The following DRC7 variants were observed in gnomAD, a reference collection of about 807,000 sequenced individuals.
DRC7 encodes the protein dynein regulatory complex subunit 7, also known as coiled-coil domain containing 135.
A neutral mutation model predicts 104.4 loss-of-function variants in DRC7; 80 were observed. The ratio of observed to expected loss-of-function variants is 0.77; its 90% CI spans 0.64 to 0.92. The LOEUF (loss-of-function observed/expected upper bound fraction) is 0.92. Among genes scored for constraint, DRC7 ranks in the 40% least tolerant of loss-of-function variants. DRC7 has a pLI of 0.00. For synonymous variants in DRC7, 405 were observed against 447.3 expected, an observed-to-expected ratio of 0.91 and a Z score of 1.19; for missense variants, 1,034 against 1,141.1, an observed-to-expected ratio of 0.91 and a Z score of 1.35.
intron 8 of DRC7, among the ~76,000 whole-genome samples, chr16:57,711,880 G>A (rs1314801264): frequency 6.6e-6 from 1 of 152,178 alleles, no homozygotes; most frequent in African/African-American, 2.4e-5. Context: ...GATCAGATGA[G>A]CCAGTTTATC....
chr16:57,700,260 C>G lies in DRC7; in HGVS notation c.494C>G (p.Pro165Arg), dbSNP rs750668059. 1 of 1,613,316 alleles carries G rather than the reference C, an allele frequency of 6.2e-7. No individual in the cohort carries two copies. The highest frequency in any genetic ancestry group is 1.7e-5 in the Admixed American group (1 of 59,990). ...CTCACCATGGTGCCCCTGCCTGACC[C>G]TCTCAAGCCGGTAAGCACCACTCAC... Reference protein sequence around the residue: ...DFLTMVPLPDPLKPPSHLYSS... With the variant: ...DFLTMVPLPDRLKPPSHLYSS... The change falls in exon 5 of 19, where the codon CCT becomes CGT. Residue 165 changes from proline (P) to arginine (R), a missense_variant. Physicochemically the swap from Pro to Arg is moderately radical, Grantham distance 103 (BLOSUM62 -2). Transcript: ENST00000360716.
chr16:57,700,103 C>A (rs749741400), intron 4 of DRC7, 42 bp from the exon 5 acceptor site: 1 of 1,599,798 alleles, frequency 6.3e-7, no homozygotes, highest in Non-Finnish European at 8.5e-7. Context: ...CTCACAAGTT[C>A]TTATTGCCTT....
chr16:57,723,395 C>G (rs1369845418), intron 12 of DRC7, among the ~76,000 whole-genome samples: 1 of 152,188 alleles, frequency 6.6e-6, no homozygotes, highest in Non-Finnish European at 1.5e-5. Context: ...TGGTTGGAAT[C>G]AGGCCGGAAC....
In DRC7 at chr16:57,699,152, C is replaced by T. The variant is rs987820270; in HGVS notation, c.378+128C>T. 7.1e-6 allele frequency: 8 copies of T among 1,130,824 alleles called. No homozygotes were observed. The Admixed American group carries it at 1.9e-4, about 26-fold the overall frequency. The allele number at this position is 1,130,824 out of a possible 1,614,324, so 70.0% of individuals were successfully genotyped here. On this transcript the variant is annotated intron_variant, in intron 4 of 18. Coordinates refer to ENST00000360716, the MANE Select transcript of DRC7 (RefSeq NM_001289162.2). Reference sequence around the variant, plus strand: ...GGACCTCCTGTGGGCCAGAGCGCTTCTAGTCTGGGGGCAACATAAAGTCGA... The same window carrying T: ...GGACCTCCTGTGGGCCAGAGCGCTTTTAGTCTGGGGGCAACATAAAGTCGA...
Position 57,731,159 on chromosome 16 carries a change from C to T in DRC7, c.2532-6C>T. ...TCACCCTCTTTCCTTGCCTCTCTGACTTCAGACACAAGGAACTGGCCCCAC... is the reference window on the plus strand; with the variant it reads ...TCACCCTCTTTCCTTGCCTCTCTGATTTCAGACACAAGGAACTGGCCCCAC... On this transcript the variant is annotated splice_polypyrimidine_tract_variant and splice_region_variant and intron_variant, in intron 18 of 18. Coordinates refer to ENST00000360716, the MANE Select transcript of DRC7 (RefSeq NM_001289162.2). 6.2e-7 allele frequency: 1 copy of T among 1,613,862 alleles called. No homozygotes were observed. Among genetic ancestry groups the T allele is most frequent in the Non-Finnish European group, 8.5e-7 (1 of 1,179,946 alleles).
At chr16:57,724,122 C>T (rs943349873) in intron 12 of DRC7, among the ~76,000 whole-genome samples, 1 of 151,982 alleles carries the variant, frequency 6.6e-6, no homozygotes, top group African/African-American at 2.4e-5. Context: ...CCAGCCTGGC[C>T]AACATGGTGA....
At chr16:57,710,722 A>G (rs1269933001) in intron 8 of DRC7, among the ~76,000 whole-genome samples, 8 of 152,168 alleles carry the variant, frequency 5.3e-5, no homozygotes, top group African/African-American at 1.9e-4. Flanking sequence ...TTTGTCAAAT[A>G]CTTTTTCTGA....
chr16:57,716,168 C>T (rs1451253640), intron 8 of DRC7, among the ~76,000 whole-genome samples: 5 of 152,154 alleles, frequency 3.3e-5, no homozygotes, highest in Admixed American at 3.3e-4. Context: ...CTAACTACTG[C>T]TTACACTGGT....
intron 6 of DRC7, among the ~76,000 whole-genome samples, chr16:57,703,120 C>A (rs1448944056): frequency 6.6e-6 from 1 of 151,468 alleles, no homozygotes; most frequent in African/African-American, 2.4e-5. Context: ...CTCAAGCAAT[C>A]CTCCCGCCTC....
In DRC7 at chr16:57,707,687, G is replaced by C. The variant is rs750669256; in HGVS notation, c.1077+9G>C. The C allele has an allele frequency of 1.9e-6, 3 of 1,612,204 alleles. No homozygotes were observed. Among genetic ancestry groups the C allele is most frequent in the African/African-American group, 2.7e-5 (2 of 75,032 alleles). On this transcript the variant is annotated intron_variant, in intron 8 of 18. Transcript: ENST00000360716. ...GCTGGAACTGCTGCAAGGTGCCTAG[G>C]GAGGGGGAGCTGGGTGGGTGTGGCA...
chr16:57,697,901 C>A lies in DRC7; in HGVS notation c.-37-12C>A. 4.4e-6 allele frequency: 7 copies of A among 1,589,402 alleles called. No individual in the cohort carries two copies. The highest frequency in any genetic ancestry group is 1.1e-5 in the South Asian group (1 of 87,416). On this transcript the variant is annotated splice_polypyrimidine_tract_variant and intron_variant, in intron 2 of 18. Coordinates refer to ENST00000360716, the MANE Select transcript of DRC7 (RefSeq NM_001289162.2). ...ACAGTCGGCCATGGAGTATACTTAC[C>A]CTTCCCCACAGAGACATTCCATCTC...
At position 57,731,018 on chromosome 16, in the gene DRC7, T is replaced by TA. The variant is rs781758875; in HGVS notation, c.2480dup (p.Tyr827Ter). 6.2e-6 allele frequency: 10 copies of TA among 1,613,686 alleles called. 1 individual carries two copies. In the South Asian group the frequency reaches 1.1e-4, roughly 18 times the overall value. Residue 827 changes from tyrosine to a stop codon, truncating the protein, a stop_gained and frameshift_variant, in exon 18 of 19, where the codon TAC (tyrosine) becomes TAAC (stop). Coordinates refer to ENST00000360716, the MANE Select transcript of DRC7 (RefSeq NM_001289162.2). LOFTEE classifies it high-confidence loss of function. ...TPEDEDLYLS[Y>*]CSQAMFRIRI... The stretch of plus-strand genomic sequence containing the variant: ...CGAGGATGAAGACCTGTACCTGAGT[T>TA]ACTGCTCTCAGGCCATGTTCCGCAT...
chr16:57,704,623 T>G (rs1291497774), intron 6 of DRC7, among the ~76,000 whole-genome samples: 1 of 152,198 alleles, frequency 6.6e-6, no homozygotes, highest in Non-Finnish European at 1.5e-5. Context: ...TTTTCTGTCT[T>G]TACTTCTCAG....
intron 8 of DRC7, among the ~76,000 whole-genome samples, chr16:57,713,129 A>G (rs2048806093): frequency 6.6e-6 from 1 of 152,224 alleles, no homozygotes; most frequent in South Asian, 2.1e-4. Context: ...TTTATGGACC[A>G]TAATATGGTC....
chr16:57,695,519 A>G (rs7204155), intron 1 of DRC7, among the ~76,000 whole-genome samples: 20,307 of 152,156 alleles, frequency 0.13, 1,453 homozygotes, highest in African/African-American at 0.18. Flanking sequence ...CAAACTGTAA[A>G]TGCCTTGTAA....
intron 9 of DRC7, 149 bp downstream of exon 9, chr16:57,718,624 C>A (rs2048870293): frequency 2.0e-6 from 2 of 1,013,376 alleles, no homozygotes; most frequent in South Asian, 3.1e-5. Context: ...TTGAGCAATT[C>A]CCTTATTTTA....
chr16:57,699,676 A>G lies in DRC7; in HGVS notation c.379-469A>G, dbSNP rs142808820. Among the ~76,000 whole-genome samples the G allele has an allele frequency of 6.2e-3, 951 of 152,220 alleles. 14 individuals are homozygous for G. The highest frequency in any genetic ancestry group is 0.02 in the African/African-American group (826 of 41,524). ...GCTGGCCCCAGCCCAGAACCTCTGTAGGCCCCAGGGAGAGCATCGCTCCTG... is the reference window on the plus strand; with the variant it reads ...GCTGGCCCCAGCCCAGAACCTCTGTGGGCCCCAGGGAGAGCATCGCTCCTG... On this transcript the variant is annotated intron_variant, in intron 4 of 18. Coordinates refer to ENST00000360716, the MANE Select transcript of DRC7 (RefSeq NM_001289162.2).
chr16:57,712,739 C>T (rs1332489731), intron 8 of DRC7, among the ~76,000 whole-genome samples: 1 of 152,032 alleles, frequency 6.6e-6, no homozygotes, highest in Non-Finnish European at 1.5e-5. Flanking sequence ...GCGATCTTCA[C>T]TCACTGCAAT....
At chr16:57,728,685 C>A in intron 17 of DRC7, 101 bp downstream of exon 17, 1 of 950,500 alleles carries the variant, frequency 1.1e-6, no homozygotes, top group Non-Finnish European at 1.5e-6. Flanking sequence ...CTTGTGAGGG[C>A]CTGATGACGG....
Sources: gnomAD v4.1 joint callset for allele counts (sites outside exome capture counted in the v4.1 genomes callset) on GRCh38, gnomAD v4.1.1 for gene constraint, MANE v1.5 for transcripts, NCBI Gene and HGNC (gene_info 2026-07-23, HGNC 2026-07-21) for gene names.